UBR2: variants seen among roughly 807,000 people sequenced by gnomAD.
UBR2 encodes E3 ubiquitin-protein ligase UBR2.
In UBR2, 92 loss-of-function variants were observed where a neutral mutation model predicts 247.9. The ratio of observed to expected loss-of-function variants is 0.37; its 90% CI spans 0.31 to 0.44. UBR2 has a LOEUF of 0.44. UBR2 is among the 20% of genes least tolerant of loss of function. The probability of loss-of-function intolerance (pLI) is 1.00; values close to 1 mark genes in which losing one functional copy is unlikely to be tolerated. For missense variants in UBR2, 1,613 were observed against 2,112.6 expected, an observed-to-expected ratio of 0.76 and a Z score of 4.64; for synonymous variants, 672 against 693.5, an observed-to-expected ratio of 0.97 and a Z score of 0.49.
intron 11 of UBR2, among the ~76,000 whole-genome samples, chr6:42,623,710 C>T (rs1276626980): frequency 6.6e-6 from 1 of 151,880 alleles, no homozygotes; most frequent in Non-Finnish European, 1.5e-5. Context: ...TCAGCCTCCC[C>T]AAGTGCTGGG....
chr6:42,569,415 G>T (rs1790978125), intron 1 of UBR2, among the ~76,000 whole-genome samples: 1 of 152,054 alleles, frequency 6.6e-6, no homozygotes, highest in Non-Finnish European at 1.5e-5. Context: ...AGTCATGTTG[G>T]AACATCTTTT....
In UBR2 at chr6:42,659,838, A is replaced by C; in HGVS notation, c.3425A>C (p.Lys1142Thr). 6.2e-7 allele frequency: 1 copy of C among 1,614,014 alleles called. No homozygotes were observed. Residue 1142 changes from lysine (K) to threonine (T), a missense_variant, in exon 30 of 47, where the codon AAA (lysine) becomes ACA (threonine). By Grantham distance (78) the Lys-to-Thr change is moderately conservative. Around this residue, in one of 3 missense-constraint regions of UBR2, gnomAD observed 1,524 missense variants for 1,967.3 expected, o/e 0.77. Coordinates refer to ENST00000372901, the MANE Select transcript of UBR2 (RefSeq NM_001363705.2). The surrounding 1 kb of genome is among the most constrained non-coding windows in gnomAD (Gnocchi z 4.3). ...ACTGTATTATCAAAAAACAGAAGTA[A>C]ATTTATTCAAGATCCAGGTAAGTCA... ...RSTVLSKNRSKFIQDPEKYDP... is the reference protein window; with the variant it reads ...RSTVLSKNRSTFIQDPEKYDP...
At chr6:42,596,689 A>G (rs1005113491) in intron 4 of UBR2, among the ~76,000 whole-genome samples, 2 of 152,270 alleles carry the variant, frequency 1.3e-5, no homozygotes, top group East Asian at 1.9e-4. Context: ...TACAACATGC[A>G]TGAACCTCTA....
chr6:42,620,494 G>GTTTTTTTTT (rs1282900841), intron 11 of UBR2: 4 of 97,024 alleles, frequency 4.1e-5, no homozygotes, highest in Non-Finnish European at 4.5e-5. Flanking sequence ...TTTTTTTTTT[G>GTTTTTTTTT]TTTTTGTTTT....
chr6:42,609,475 T>C (rs750798066), intron 7 of UBR2, among the ~76,000 whole-genome samples: 20 of 152,096 alleles, frequency 1.3e-4, no homozygotes, highest in Non-Finnish European at 2.6e-4. Flanking sequence ...TGTGTAAATA[T>C]GTGTAAATGG....
intron 34 of UBR2, among the ~76,000 whole-genome samples, chr6:42,666,964 T>C (rs574840404): frequency 1.3e-5 from 2 of 152,288 alleles, no homozygotes; most frequent in South Asian, 2.1e-4. Flanking sequence ...ATAGGTGTTA[T>C]TAGGATAAAG....
At chr6:42,592,971 A>G (rs1226856954) in intron 3 of UBR2, among the ~76,000 whole-genome samples, 2 of 148,728 alleles carry the variant, frequency 1.3e-5, no homozygotes, top group Non-Finnish European at 3.0e-5. Flanking sequence ...TCAGGAGATC[A>G]ACACCATCCT....
intron 2 of UBR2, among the ~76,000 whole-genome samples, chr6:42,588,851 C>G (rs1792470646): frequency 6.6e-6 from 1 of 152,162 alleles, no homozygotes; most frequent in African/African-American, 2.4e-5. Context: ...ACCTCACAAG[C>G]ATAAACTCAG....
chr6:42,666,133 A>G (rs372006338), intron 33 of UBR2, 34 bp from the exon 34 acceptor site: 3 of 1,551,134 alleles, frequency 1.9e-6, no homozygotes, highest in Non-Finnish European at 2.6e-6. Flanking sequence ...ATTGTCATCT[A>G]TTGAATAATA....
intron 40 of UBR2, among the ~76,000 whole-genome samples, chr6:42,677,276 A>G (rs1022751362): frequency 6.6e-6 from 1 of 152,236 alleles, no homozygotes; most frequent in Non-Finnish European, 1.5e-5. Flanking sequence ...CAGGAATAAA[A>G]TGAAATTATT....
intron 1 of UBR2, among the ~76,000 whole-genome samples, chr6:42,572,015 A>C (rs952732893): frequency 2.0e-5 from 3 of 151,992 alleles, no homozygotes; most frequent in Admixed American, 2.0e-4. Flanking sequence ...AGCCTGTAGG[A>C]TTGTCTCCTA....
Position 42,673,798 on chromosome 6 carries a change from G to A in UBR2, c.4094G>A (p.Cys1365Tyr). 6.2e-7 allele frequency: 1 copy of A among 1,613,244 alleles called. No homozygotes were observed. Among genetic ancestry groups the A allele is most frequent in the Non-Finnish European group, 8.5e-7 (1 of 1,179,418 alleles). The part of the protein sequence containing the change: ...FGPLPCRLDD[C>Y]LRSLTRFAAA... ...TGCGTTGGTTTATTTTAGGATGACTGTCTTAGGTCATTGACGAGATTTGCC... is the reference window on the plus strand; with the variant it reads ...TGCGTTGGTTTATTTTAGGATGACTATCTTAGGTCATTGACGAGATTTGCC... The change falls in exon 37 of 47, where the codon TGT becomes TAT. Residue 1365 changes from cysteine (C) to tyrosine (Y), a missense_variant. By Grantham distance (194) the Cys-to-Tyr change is radical. Coordinates refer to ENST00000372901, the MANE Select transcript of UBR2 (RefSeq NM_001363705.2).
chr6:42,672,962 G>A (rs1798529659), intron 36 of UBR2, among the ~76,000 whole-genome samples: 1 of 152,210 alleles, frequency 6.6e-6, no homozygotes, highest in Non-Finnish European at 1.5e-5. Flanking sequence ...GAAAAAACAA[G>A]CAGGAAGAAA....
At chr6:42,622,837 T>C (rs1454927158) in intron 11 of UBR2, among the ~76,000 whole-genome samples, 1 of 130,160 alleles carries the variant, frequency 7.7e-6, no homozygotes, top group Non-Finnish European at 1.6e-5. Flanking sequence ...TAATGGTTTA[T>C]AGATTTTTTT....
intron 1 of UBR2, among the ~76,000 whole-genome samples, chr6:42,571,642 C>T (rs537773140): frequency 6.7e-6 from 1 of 149,300 alleles, no homozygotes; most frequent in East Asian, 2.0e-4. Context: ...ACTCAGGAGG[C>T]TGAGGCAGGA....
At chr6:42,681,740 C>G (rs966146716) in intron 42 of UBR2, among the ~76,000 whole-genome samples, 1 of 152,200 alleles carries the variant, frequency 6.6e-6, no homozygotes, top group Non-Finnish European at 1.5e-5. Flanking sequence ...AGCAATTCCA[C>G]TTCTAGGTAC....
chr6:42,603,553 T>G (rs781267478), intron 4 of UBR2, 35 bp from the exon 5 acceptor site: 1 of 1,514,140 alleles, frequency 6.6e-7, no homozygotes, highest in Non-Finnish European at 8.8e-7. Context: ...ATTGCCCTTT[T>G]TTTCTTTTTC....
intron 44 of UBR2, 46 bp downstream of exon 44, chr6:42,684,917 C>A (rs747691461): frequency 6.7e-7 from 1 of 1,484,430 alleles, no homozygotes; most frequent in South Asian, 1.2e-5. Flanking sequence ...ACTGGAAACA[C>A]CTCTCTACAA....
chr6:42,587,047 T>C (rs9462811), intron 2 of UBR2, among the ~76,000 whole-genome samples: 1,959 of 152,126 alleles, frequency 0.013, 44 homozygotes, highest in African/African-American at 0.043. Context: ...CTTGAACTCC[T>C]GACCTCAGGT....
Sources: gnomAD v4.1 joint callset for allele counts (sites outside exome capture counted in the v4.1 genomes callset) on GRCh38, gnomAD v4.1.1 for gene constraint, gnomAD v4.1.1 regional missense constraint, Gnocchi (gnomAD v3.1) non-coding constraint, MANE v1.5 for transcripts, NCBI Gene and HGNC (gene_info 2026-07-23, HGNC 2026-07-21) for gene names.